The following OPRM1 variants were observed in gnomAD, a reference collection of about 807,000 sequenced individuals.
OPRM1 encodes the protein opioid receptor mu 1.
A neutral mutation model predicts 31.8 loss-of-function variants in OPRM1; 27 were observed. The ratio of observed to expected loss-of-function variants is 0.85; its 90% CI spans 0.63 to 1.17. OPRM1 has a LOEUF of 1.17. OPRM1 is among the 50% of genes most tolerant of loss of function. The probability of loss-of-function intolerance (pLI) is 0.00; values close to 1 mark genes in which losing one functional copy is unlikely to be tolerated. For synonymous variants in OPRM1, 196 were observed against 189.9 expected (o/e 1.03, Z -0.26); for missense variants, 536 against 511.1 (o/e 1.05, Z -0.47).
rs563996091 is a variant in OPRM1 at position 154,126,345 on chromosome 6, A to G, written c.*7624A>G. ...ATTAACAAGACCAGAGAGAAGGGAG[A>G]GGAGACTACATTTGTGTGACCTAAT... is the stretch of plus-strand genomic sequence containing the variant. On this transcript the variant is annotated 3_prime_UTR_variant, in exon 4 of 4. Transcript: ENST00000330432. 5.4e-4 allele frequency among the ~76,000 whole-genome samples: 82 copies of G among 152,348 alleles called. No homozygotes were observed. Among genetic ancestry groups the G allele is most frequent in the African/African-American group, 1.9e-3 (81 of 41,580 alleles).
intron 1 of OPRM1, among the ~76,000 whole-genome samples, chr6:154,026,778 CT>C (rs1180341219): frequency 6.6e-6 from 1 of 152,152 alleles, no homozygotes; most frequent in African/African-American, 2.4e-5. Context: ...TTTTTCATCT[CT>C]ATAATTTCTG....
intron 3 of OPRM1, among the ~76,000 whole-genome samples, chr6:154,099,341 A>G (rs1794001630): frequency 1.4e-5 from 1 of 69,262 alleles, no homozygotes; most frequent in Admixed American, 1.8e-4. Context: ...GGGAGGGAGG[A>G]AGAGAGCGAG....
At chr6:154,220,843 A>G (rs145018544) in intron 3 of OPRM1, among the ~76,000 whole-genome samples, 17 of 152,384 alleles carry the variant, frequency 1.1e-4, no homozygotes, top group African/African-American at 3.8e-4. Flanking sequence ...CAATACATGG[A>G]GAGGTGATAA....
intron 3 of OPRM1, among the ~76,000 whole-genome samples, chr6:154,172,628 T>C (rs1387159630): frequency 1.3e-5 from 2 of 152,196 alleles, no homozygotes; most frequent in African/African-American, 4.8e-5. Flanking sequence ...GGTGGTTCTA[T>C]GCTCACAGTG....
intron 3 of OPRM1, among the ~76,000 whole-genome samples, chr6:154,216,215 T>C (rs1778380112): frequency 6.6e-6 from 1 of 152,060 alleles, no homozygotes; most frequent in Admixed American, 6.6e-5. Flanking sequence ...GAAAAAACAT[T>C]AATAAGAAAA....
chr6:154,057,389 TATA>T (rs1382848567), intron 1 of OPRM1, among the ~76,000 whole-genome samples: 1 of 152,226 alleles, frequency 6.6e-6, no homozygotes, highest in Non-Finnish European at 1.5e-5. Context: ...AGAATAGGAC[TATA>T]ATAACTGACT....
chr6:154,152,390 A>AAGAAAGAAAGAAAGAGAAAT (rs1360734115), intron 3 of OPRM1, among the ~76,000 whole-genome samples: 1 of 126,198 alleles, frequency 7.9e-6, no homozygotes, highest in Non-Finnish European at 1.7e-5. Context: ...GAAAGAAAGA[A>AAGAAAGAAAGAAAGAGAAAT]AGAGAAATAG....
intron 3 of OPRM1, among the ~76,000 whole-genome samples, chr6:154,223,633 G>A (rs1779035172): frequency 6.6e-6 from 1 of 152,204 alleles, no homozygotes. Context: ...TAGCACACAG[G>A]AAGAAACCTA....
chr6:154,206,234 T>G (rs1339608527), intron 3 of OPRM1, among the ~76,000 whole-genome samples: 2 of 152,240 alleles, frequency 1.3e-5, no homozygotes, highest in African/African-American at 4.8e-5. Flanking sequence ...TATGTGTATT[T>G]CTCTGGAACC....
At chr6:154,138,376 A>C (rs1798111906) in intron 3 of OPRM1, among the ~76,000 whole-genome samples, 1 of 152,224 alleles carries the variant, frequency 6.6e-6, no homozygotes, top group Non-Finnish European at 1.5e-5. Context: ...AAAATAAAAA[A>C]TACCAATGTC....
At chr6:154,140,717 G>A (rs763598679) in intron 3 of OPRM1, among the ~76,000 whole-genome samples, 4 of 152,116 alleles carry the variant, frequency 2.6e-5, no homozygotes, top group Non-Finnish European at 5.9e-5. Flanking sequence ...ATGAATCATA[G>A]ATATACAGGT....
chr6:154,230,034 G>A (rs565175332), intron 3 of OPRM1, among the ~76,000 whole-genome samples: 2 of 152,270 alleles, frequency 1.3e-5, no homozygotes, highest in South Asian at 4.1e-4. Flanking sequence ...GAGACAGAAA[G>A]CAGGACGGTG....
chr6:154,198,627 T>TACACACACACAC (rs1776815529), intron 3 of OPRM1, among the ~76,000 whole-genome samples: 1 of 73,886 alleles, frequency 1.4e-5, no homozygotes, highest in East Asian at 9.7e-4. Context: ...TTTAAAATAT[T>TACACACACACAC]ACATACACAC....
intron 1 of OPRM1, among the ~76,000 whole-genome samples, chr6:154,059,556 A>G (rs551562318): frequency 2.7e-4 from 41 of 151,962 alleles, no homozygotes; most frequent in African/African-American, 9.7e-4. Flanking sequence ...GCATATCTCC[A>G]CTTACATTCA....
At chr6:154,092,072 A>G (rs554028014) in intron 3 of OPRM1, 1 of 233,950 alleles carries the variant, frequency 4.3e-6, no homozygotes, top group Non-Finnish European at 7.0e-6. Flanking sequence ...TATATTATTA[A>G]TATGTGAATA....
At position 154,089,991 on chromosome 6, in the gene OPRM1, C is replaced by T. The variant is rs1372382023; in HGVS notation, c.456C>T (p.Asn152=). The T allele has an allele frequency of 1.9e-6, 3 of 1,614,052 alleles. No homozygotes were observed. Among genetic ancestry groups the T allele is most frequent in the Admixed American group, 1.7e-5 (1 of 60,024 alleles). ...TAGTGATCTCCATAGATTACTATAA[C>T]ATGTTCACCAGCATATTCACCCTCT... is the stretch of plus-strand genomic sequence containing the variant. ...CKIVISIDYY[N]MFTSIFTLCT... Residue 152 remains asparagine (N), a synonymous_variant, in exon 2 of 4, where the codon AAC becomes AAT. Transcript: ENST00000330432.
At chr6:154,178,916 A>C (rs1800589926) in intron 3 of OPRM1, among the ~76,000 whole-genome samples, 1 of 152,228 alleles carries the variant, frequency 6.6e-6, no homozygotes, top group African/African-American at 2.4e-5. Context: ...AGCATAAAAC[A>C]GTAAAATAAT....
intron 3 of OPRM1, among the ~76,000 whole-genome samples, chr6:154,239,727 G>A (rs6913073): frequency 0.14 from 20,589 of 151,836 alleles, 1,582 homozygotes; most frequent in Non-Finnish European, 0.17. Flanking sequence ...TTTTTGAGAC[G>A]CAGTCTCGCT....
At chr6:154,094,429 A>G in intron 3 of OPRM1, 1 of 381,262 alleles carries the variant, frequency 2.6e-6, no homozygotes, top group South Asian at 2.0e-5. Flanking sequence ...ATCATTCCAA[A>G]ATGTAGTGGC....
Sources: gnomAD v4.1 joint callset for allele counts (sites outside exome capture counted in the v4.1 genomes callset) on GRCh38, gnomAD v4.1.1 for gene constraint, MANE v1.5 for transcripts, NCBI Gene and HGNC (gene_info 2026-07-23, HGNC 2026-07-21) for gene names.